The following ALCAM variants were observed in gnomAD, a reference collection of about 807,000 sequenced individuals.
The protein encoded by ALCAM is CD166 antigen.
In ALCAM, 30 loss-of-function variants were observed where a neutral mutation model predicts 70.9. That is an observed-to-expected ratio of 0.42 (90% CI 0.32 to 0.57). ALCAM has a LOEUF of 0.57. ALCAM is among the 20% of genes least tolerant of loss of function. ALCAM has a pLI of 0.11. For synonymous variants in ALCAM, 249 were observed against 242.5 expected (o/e 1.03, Z -0.25); for missense variants, 591 against 695.1 (o/e 0.85, Z 1.68).
chr3:105,397,678 C>T (rs146058023), intron 1 of ALCAM, among the ~76,000 whole-genome samples: 14 of 152,020 alleles, frequency 9.2e-5, no homozygotes, highest in East Asian at 7.8e-4. Context: ...AAACTATTTA[C>T]GTATAATGAT....
intron 1 of ALCAM, among the ~76,000 whole-genome samples, chr3:105,407,266 CAA>C (rs34938740): frequency 2.7e-5 from 4 of 150,258 alleles, no homozygotes; most frequent in African/African-American, 4.9e-5. Flanking sequence ...GCAACAACAA[CAA>C]AAAAAAAACA....
chr3:105,567,454 G>A (rs1940769055), intron 14 of ALCAM, among the ~76,000 whole-genome samples: 1 of 151,236 alleles, frequency 6.6e-6, no homozygotes, highest in South Asian at 2.1e-4. Flanking sequence ...CCACTGCCCT[G>A]GACTCCACCA....
intron 1 of ALCAM, among the ~76,000 whole-genome samples, chr3:105,374,522 G>T (rs73177463): frequency 0.16 from 24,351 of 151,676 alleles, 2,237 homozygotes; most frequent in East Asian, 0.37. Context: ...TTTTGTTTTT[G>T]TTTTTGTTTT....
intron 1 of ALCAM, among the ~76,000 whole-genome samples, chr3:105,443,039 T>C (rs889082129): frequency 6.6e-6 from 1 of 152,102 alleles, no homozygotes; most frequent in Non-Finnish European, 1.5e-5. Context: ...TTGTCCAGGC[T>C]AGTCTCAAAC....
At position 105,545,284 on chromosome 3, in the gene ALCAM, C is replaced by T. The variant is rs200194687; in HGVS notation, c.1053C>T (p.Pro351=). ...CTAGACAGATTGGTGATGCCCTACCCGTGTCATGCACAATATCTGCTAGCA... is the reference window on the plus strand; with the variant it reads ...CTAGACAGATTGGTGATGCCCTACCTGTGTCATGCACAATATCTGCTAGCA... The part of the protein sequence containing the change: ...EVTRQIGDAL[P]VSCTISASRN... The change falls in exon 9 of 16, where the codon CCC becomes CCT. Residue 351 remains proline, a synonymous_variant. Coordinates refer to ENST00000306107, the MANE Select transcript of ALCAM (RefSeq NM_001627.4). 12 of 1,609,068 alleles carry T rather than the reference C, an allele frequency of 7.5e-6. No individual in the cohort carries two copies. The highest frequency in any genetic ancestry group is 3.3e-5 in the Admixed American group (2 of 59,760).
intron 6 of ALCAM, among the ~76,000 whole-genome samples, chr3:105,535,750 TTTC>T (rs1939953336): frequency 6.6e-6 from 1 of 151,970 alleles, no homozygotes; most frequent in South Asian, 2.1e-4. Context: ...AATAAAGGAT[TTTC>T]TTCTTATTAT....
chr3:105,413,748 T>C (rs1436322900), intron 1 of ALCAM, among the ~76,000 whole-genome samples: 5 of 152,180 alleles, frequency 3.3e-5, no homozygotes, highest in African/African-American at 1.2e-4. Context: ...TGTGTGTTTG[T>C]CCATTAGAGG....
chr3:105,543,939 A>G (rs1352870465), intron 8 of ALCAM, among the ~76,000 whole-genome samples: 6 of 151,656 alleles, frequency 4.0e-5, no homozygotes, highest in East Asian at 1.9e-4. Flanking sequence ...AGAGTCTACC[A>G]TGTCTCAGCC....
intron 1 of ALCAM, among the ~76,000 whole-genome samples, chr3:105,476,663 A>C (rs868774409): frequency 1.3e-5 from 2 of 152,136 alleles, no homozygotes; most frequent in Non-Finnish European, 2.9e-5. Flanking sequence ...TTGAGCAAAA[A>C]TATGCCATCT....
intron 13 of ALCAM, 124 bp downstream of exon 13, chr3:105,552,306 A>C: frequency 1.6e-6 from 2 of 1,281,382 alleles, no homozygotes; most frequent in African/African-American, 3.0e-5. Context: ...CAAAGACAAG[A>C]TAGTAAGAAT....
At position 105,520,043 on chromosome 3, in the gene ALCAM, T is replaced by C. The variant is rs555600258; in HGVS notation, c.74-24T>C. ...TTGTTCTCTCTCTCTTTCTCTCTTCTTCCTTTTTTTTTTTCCCCCAAAGGC... is the reference window on the plus strand; with the variant it reads ...TTGTTCTCTCTCTCTTTCTCTCTTCCTCCTTTTTTTTTTTCCCCCAAAGGC... On this transcript the variant is annotated intron_variant, in intron 1 of 15. Transcript: ENST00000306107. 6.3e-6 allele frequency: 9 copies of C among 1,429,412 alleles called. No individual in the cohort carries two copies. The East Asian group carries it at 2.0e-4, about 32-fold the overall frequency. 88.5% of individuals were successfully genotyped at this position (1,429,412 alleles called of 1,614,324 possible).
intron 1 of ALCAM, among the ~76,000 whole-genome samples, chr3:105,392,213 G>C (rs1404489697): frequency 2.0e-5 from 3 of 150,958 alleles, no homozygotes; most frequent in Non-Finnish European, 4.4e-5. Flanking sequence ...CTTTTTTTTT[G>C]TTTGGTAGGC....
chr3:105,511,943 C>T (rs771589160), intron 1 of ALCAM, among the ~76,000 whole-genome samples: 1 of 151,952 alleles, frequency 6.6e-6, no homozygotes, highest in Non-Finnish European at 1.5e-5. Context: ...AATTATAACA[C>T]AGCATTTTCT....
At chr3:105,556,566 A>G (rs1182158343) in intron 14 of ALCAM, among the ~76,000 whole-genome samples, 1 of 152,052 alleles carries the variant, frequency 6.6e-6, no homozygotes, top group Admixed American at 6.6e-5. Context: ...AAACAGAGAC[A>G]ATCCTAAATT....
At chr3:105,562,310 G>A (rs1940644315) in intron 14 of ALCAM, among the ~76,000 whole-genome samples, 1 of 152,164 alleles carries the variant, frequency 6.6e-6, no homozygotes, top group South Asian at 2.1e-4. Flanking sequence ...TTATCAGGTT[G>A]AATAACTTTT....
At chr3:105,551,932 C>A (rs768933278) in intron 12 of ALCAM, among the ~76,000 whole-genome samples, 1 of 150,774 alleles carries the variant, frequency 6.6e-6, no homozygotes, top group Admixed American at 6.6e-5. Flanking sequence ...AGATTAATAT[C>A]TTTGCAGTTG....
chr3:105,499,609 T>A (rs753030526), intron 1 of ALCAM, among the ~76,000 whole-genome samples: 1 of 152,240 alleles, frequency 6.6e-6, no homozygotes, highest in Non-Finnish European at 1.5e-5. Flanking sequence ...TCTTTCTACA[T>A]ACAAATTAAT....
At chr3:105,380,445 T>C (rs1420596960) in intron 1 of ALCAM, among the ~76,000 whole-genome samples, 1 of 151,916 alleles carries the variant, frequency 6.6e-6, no homozygotes, top group African/African-American at 2.4e-5. Context: ...TCATTTACCT[T>C]TTATGAGGTT....
At chr3:105,472,579 G>A (rs1040862067) in intron 1 of ALCAM, among the ~76,000 whole-genome samples, 2 of 151,484 alleles carry the variant, frequency 1.3e-5, no homozygotes, top group African/African-American at 2.4e-5. Context: ...AAAACAATGT[G>A]ACAATATACC....
Sources: allele counts gnomAD v4.1 joint callset (sites outside exome capture counted in the v4.1 genomes callset), GRCh38; gene constraint gnomAD v4.1.1; transcripts MANE v1.5; gene names NCBI Gene and HGNC (gene_info 2026-07-23, HGNC 2026-07-21).